Variants in CYP2C19 observed in about 807,000 individuals in gnomAD.
The protein encoded by CYP2C19 is cytochrome P450 family 2 subfamily C member 19, also known as cytochrome P450 2C19.
In CYP2C19, 59 loss-of-function variants were observed where a neutral mutation model predicts 40.9. The observed-to-expected ratio is 1.44, with a 90% CI of 1.17 to 1.79. The LOEUF is 1.79. Among genes scored for constraint, CYP2C19 ranks in the 40% most tolerant of loss-of-function variants. The pLI is 0.00. For synonymous variants in CYP2C19, 253 were observed against 208.7 expected, an observed-to-expected ratio of 1.21 and a Z score of -1.83; for missense variants, 754 against 596.9, an observed-to-expected ratio of 1.26 and a Z score of -2.74.
At chr10:94,805,263 A>C (rs1298001707) in intron 5 of CYP2C19, among the ~76,000 whole-genome samples, 3 of 151,934 alleles carry the variant, frequency 2.0e-5, no homozygotes, top group Admixed American at 2.0e-4. Flanking sequence ...TTTTGTTATG[A>C]TAGGTGTTGA....
intron 5 of CYP2C19, among the ~76,000 whole-genome samples, chr10:94,813,579 T>C (rs1409304494): frequency 6.6e-6 from 1 of 151,944 alleles, no homozygotes; most frequent in Non-Finnish European, 1.5e-5. Context: ...TTGTTTACAC[T>C]GTGAGGGGAA....
intron 5 of CYP2C19, among the ~76,000 whole-genome samples, chr10:94,800,174 C>T (rs1261979127): frequency 6.6e-6 from 1 of 152,140 alleles, no homozygotes; most frequent in African/African-American, 2.4e-5. Flanking sequence ...TGCTGGCCTA[C>T]AGTTGTGGTT....
intron 6 of CYP2C19, among the ~76,000 whole-genome samples, chr10:94,836,809 G>A (rs1849411598): frequency 6.6e-6 from 1 of 152,162 alleles, no homozygotes; most frequent in African/African-American, 2.4e-5. Context: ...AGAGCGCTTG[G>A]GTGGCTTGAT....
chr10:94,811,944 GT>G (rs1483696061), intron 5 of CYP2C19, among the ~76,000 whole-genome samples: 1 of 146,194 alleles, frequency 6.8e-6, no homozygotes, highest in African/African-American at 2.5e-5. Context: ...TTGCCTTTTA[GT>G]TGATGCAGTT....
At chr10:94,809,235 G>A (rs973756747) in intron 5 of CYP2C19, among the ~76,000 whole-genome samples, 5 of 152,102 alleles carry the variant, frequency 3.3e-5, no homozygotes, top group Admixed American at 2.6e-4. Context: ...TATGTCTTCT[G>A]TTGGGAAACG....
rs1181249105 is a variant in CYP2C19 at position 94,855,387 on chromosome 10, G to A, written c.*2473G>A. Among the ~76,000 whole-genome samples, 3 of 152,168 alleles carry A rather than the reference G, an allele frequency of 2.0e-5. No individual in the cohort carries two copies. In the South Asian group the frequency reaches 6.2e-4, roughly 31 times the overall value. On this transcript the variant is annotated 3_prime_UTR_variant, in exon 9 of 9. Transcript: ENST00000371321. ...GCAATCTGACTGGAAAGTAGAAGTT[G>A]CTAACAACTTTGCTAATTCTCTGCA...
At chr10:94,803,119 T>C (rs1848788385) in intron 5 of CYP2C19, among the ~76,000 whole-genome samples, 1 of 152,238 alleles carries the variant, frequency 6.6e-6, no homozygotes, top group Non-Finnish European at 1.5e-5. Context: ...TTGGTGGTTT[T>C]ACAATATTCA....
chr10:94,846,515 T>A lies in CYP2C19; in HGVS notation c.1150-3402T>A, dbSNP rs192160897. ...TGATGAAAATCTATGGCATGACACT[T>A]TAAGACAGAACACCCTGTTTCCAAA... is the stretch of plus-strand genomic sequence containing the variant. On this transcript the variant is annotated intron_variant, in intron 7 of 8. Transcript: ENST00000371321. 7.2e-5 allele frequency among the ~76,000 whole-genome samples: 11 copies of A among 152,248 alleles called. No individual in the cohort carries two copies. The East Asian group carries it at 1.9e-3, about 27-fold the overall frequency.
intron 6 of CYP2C19, among the ~76,000 whole-genome samples, chr10:94,837,097 T>C (rs567689945): frequency 6.6e-6 from 1 of 152,224 alleles, no homozygotes; most frequent in East Asian, 1.9e-4. Context: ...CTTCCTCTGG[T>C]ATTTGGGAAA....
intron 6 of CYP2C19, among the ~76,000 whole-genome samples, chr10:94,833,417 T>G (rs1849359210): frequency 6.6e-6 from 1 of 152,244 alleles, no homozygotes. Context: ...TTTTTTATGT[T>G]GAGGTATGTT....
intron 5 of CYP2C19, among the ~76,000 whole-genome samples, chr10:94,812,279 C>A (rs550079621): frequency 6.6e-6 from 1 of 152,262 alleles, no homozygotes; most frequent in African/African-American, 2.4e-5. Flanking sequence ...GGTGGTAACC[C>A]GACCTTTCTT....
intron 1 of CYP2C19, among the ~76,000 whole-genome samples, chr10:94,765,717 G>A (rs886283550): frequency 2.6e-5 from 4 of 152,138 alleles, no homozygotes; most frequent in African/African-American, 7.2e-5. Context: ...AGCCTGGACT[G>A]TTTGTTAAGC....
intron 6 of CYP2C19, among the ~76,000 whole-genome samples, chr10:94,837,544 A>G (rs1849423918): frequency 6.6e-6 from 1 of 152,170 alleles, no homozygotes; most frequent in African/African-American, 2.4e-5. Flanking sequence ...GCTTTCAGGC[A>G]TAATTAGAAA....
intron 5 of CYP2C19, among the ~76,000 whole-genome samples, chr10:94,795,281 G>T (rs896576364): frequency 3.3e-5 from 5 of 151,184 alleles, no homozygotes; most frequent in Non-Finnish European, 7.4e-5. Flanking sequence ...GCCATAGTTT[G>T]CTGAGAATGA....
chr10:94,802,969 G>A lies in CYP2C19; in HGVS notation c.820-17527G>A, dbSNP rs189398966. On this transcript the variant is annotated intron_variant, in intron 5 of 8. Coordinates refer to ENST00000371321, the MANE Select transcript of CYP2C19 (RefSeq NM_000769.4). ...CTGAGAAATCCACTGTTACTCTAATGGGTTTTCCTTTGTGGGTAACCCAAC... is the reference window on the plus strand; with the variant it reads ...CTGAGAAATCCACTGTTACTCTAATAGGTTTTCCTTTGTGGGTAACCCAAC... Among the ~76,000 whole-genome samples, 240 of 152,184 alleles carry A rather than the reference G, an allele frequency of 1.6e-3. 1 individual carries two copies. The highest frequency in any genetic ancestry group is 2.7e-3 in the Non-Finnish European group (187 of 68,000).
chr10:94,823,717 C>T (rs1201097699), intron 6 of CYP2C19, among the ~76,000 whole-genome samples: 1 of 152,148 alleles, frequency 6.6e-6, no homozygotes, highest in South Asian at 2.1e-4. Flanking sequence ...TATTATTTAG[C>T]ATATTAATAG....
intron 5 of CYP2C19, among the ~76,000 whole-genome samples, chr10:94,788,151 T>C (rs965777502): frequency 2.6e-5 from 4 of 151,904 alleles, no homozygotes. Flanking sequence ...TTAAATGGGA[T>C]GGCATTCTTG....
chr10:94,826,581 A>G (rs1430298418), intron 6 of CYP2C19, among the ~76,000 whole-genome samples: 3 of 152,170 alleles, frequency 2.0e-5, no homozygotes, highest in African/African-American at 4.8e-5. Flanking sequence ...GGTTTTCTAG[A>G]TATACAATCA....
chr10:94,828,564 C>T (rs1443846089), intron 6 of CYP2C19, among the ~76,000 whole-genome samples: 11 of 148,808 alleles, frequency 7.4e-5, no homozygotes, highest in Admixed American at 2.0e-4. Flanking sequence ...TGTCTCTGCA[C>T]GTGAGATGGG....
Sources: gnomAD v4.1 joint callset for allele counts (sites outside exome capture counted in the v4.1 genomes callset) on GRCh38, gnomAD v4.1.1 for gene constraint, MANE v1.5 for transcripts, NCBI Gene and HGNC (gene_info 2026-07-23, HGNC 2026-07-21) for gene names.